Variants in GRIA2 observed in about 807,000 individuals in gnomAD.
GRIA2 encodes glutamate receptor 2.
Under a neutral mutation model 97.3 loss-of-function variants are expected in GRIA2, and 14 were observed. The ratio of observed to expected loss-of-function variants is 0.14; its 90% confidence interval spans 0.10 to 0.23. The LOEUF is 0.23. Ranked by LOEUF, GRIA2 falls within the 10% of genes least tolerant of loss-of-function variation. GRIA2 has a pLI of 1.00. For synonymous variants in GRIA2, 412 were observed against 387.8 expected, an observed-to-expected ratio of 1.06 and a Z score of -0.73; for missense variants, 558 against 1,069.8, an observed-to-expected ratio of 0.52 and a Z score of 6.67.
chr4:157,258,908 A>T (rs1731402888), intron 2 of GRIA2, among the ~76,000 whole-genome samples: 1 of 151,998 alleles, frequency 6.6e-6, no homozygotes, highest in Non-Finnish European at 1.5e-5. Flanking sequence ...AAACAGAAAA[A>T]AATTGTAGAA....
At chr4:157,266,466 C>T (rs1437913576) in intron 2 of GRIA2, among the ~76,000 whole-genome samples, 1 of 151,624 alleles carries the variant, frequency 6.6e-6, no homozygotes, top group East Asian at 2.0e-4. Flanking sequence ...TCGTGGAAGG[C>T]AAGAAAAAGC....
At chr4:157,239,658 T>A (rs867265449) in intron 2 of GRIA2, among the ~76,000 whole-genome samples, 19 of 151,864 alleles carry the variant, frequency 1.3e-4, no homozygotes, top group African/African-American at 4.6e-4. Flanking sequence ...AACATCTATA[T>A]TCTACTTTGT....
In GRIA2 at chr4:157,330,144, A is replaced by T. The variant is rs190566846; in HGVS notation, c.883-2675A>T. The stretch of plus-strand genomic sequence containing the variant: ...TTTTCAACGCTCTTGTAACATAGAC[A>T]GAAGAAGCATTGCTCTCCTTATTTT... On this transcript the variant is annotated intron_variant, in intron 6 of 15. Coordinates refer to ENST00000264426, the MANE Select transcript of GRIA2 (RefSeq NM_001083619.3). 3.0e-4 allele frequency among the ~76,000 whole-genome samples: 46 copies of T among 152,120 alleles called. No individual in the cohort carries two copies. The East Asian group carries it at 6.4e-3, about 21-fold the overall frequency.
intron 2 of GRIA2, among the ~76,000 whole-genome samples, chr4:157,302,454 C>T (rs1341172877): frequency 2.0e-5 from 3 of 152,092 alleles, no homozygotes; most frequent in Non-Finnish European, 4.4e-5. Flanking sequence ...TAATTAAGAG[C>T]ATGGATTCTG....
rs1005969278 is a variant in GRIA2, at chr4:157,365,092, A to G, written c.*1661A>G. On this transcript the variant is annotated 3_prime_UTR_variant, in exon 16 of 16. Transcript: ENST00000264426. The stretch of plus-strand genomic sequence containing the variant: ...TATTTCTGGAAGAAAGCCTTTGTGT[A>G]GCACTTGGTATTTTGCAAAGTGCTT... 6.6e-6 allele frequency: 1 copy of G among 151,706 alleles called. No homozygotes were observed. The highest frequency in any genetic ancestry group is 1.5e-5 in the Non-Finnish European group (1 of 67,730). 9.4% of individuals were successfully genotyped at this position (151,706 alleles called of 1,614,324 possible). A position where few individuals can be genotyped will look rare whatever the true frequency, so the allele number is the denominator to read the frequency against.
intron 12 of GRIA2, 101 bp downstream of exon 12, chr4:157,341,563 G>A (rs1735548536): frequency 3.9e-6 from 3 of 769,734 alleles, no homozygotes; most frequent in Admixed American, 1.9e-5. Context: ...CTATGTGAAA[G>A]CACCCCTAAT....
intron 2 of GRIA2, among the ~76,000 whole-genome samples, chr4:157,258,831 A>G (rs1190520712): frequency 6.6e-6 from 1 of 152,084 alleles, no homozygotes; most frequent in Non-Finnish European, 1.5e-5. Flanking sequence ...GAAAATAGAA[A>G]AGGACCCACG....
rs202046143 is a variant in GRIA2 at position 157,333,368 on chromosome 4, A to C, written c.1155+15A>C. On this transcript the variant is annotated intron_variant, in intron 8 of 15. Coordinates refer to ENST00000264426, the MANE Select transcript of GRIA2 (RefSeq NM_001083619.3). ...GGCCCCGGAAGGTAAATCCTTAGTG[A>C]TTTAAAGGCAGTTCTATGTGAGGAG... The C allele has an allele frequency of 1.6e-5, 22 of 1,385,122 alleles. No homozygotes were observed. The East Asian group carries it at 4.4e-4, about 28-fold the overall frequency. 85.8% of individuals were successfully genotyped at this position (1,385,122 alleles called of 1,614,324 possible). A position where few individuals can be genotyped will look rare whatever the true frequency, so the allele number is the denominator to read the frequency against.
intron 2 of GRIA2, among the ~76,000 whole-genome samples, chr4:157,226,534 G>C (rs1039617756): frequency 2.0e-5 from 3 of 151,948 alleles, no homozygotes; most frequent in Non-Finnish European, 4.4e-5. Flanking sequence ...CGATTCCCCA[G>C]CTATCATTTT....
intron 2 of GRIA2, among the ~76,000 whole-genome samples, chr4:157,271,912 C>G (rs768591624): frequency 1.3e-5 from 2 of 152,042 alleles, no homozygotes; most frequent in Non-Finnish European, 2.9e-5. Context: ...TTCACAGTAT[C>G]GTACTTTCTG....
intron 2 of GRIA2, among the ~76,000 whole-genome samples, chr4:157,222,670 C>T (rs1018742984): frequency 3.3e-5 from 5 of 152,186 alleles, no homozygotes; most frequent in Non-Finnish European, 7.3e-5. Context: ...TGGGATCTGG[C>T]CGAGTTTGAA....
At chr4:157,247,930 T>C (rs796639940) in intron 2 of GRIA2, among the ~76,000 whole-genome samples, 7 of 152,198 alleles carry the variant, frequency 4.6e-5, no homozygotes, top group African/African-American at 1.7e-4. Flanking sequence ...AGACGCCTAA[T>C]CTTTGCTCTT....
intron 2 of GRIA2, among the ~76,000 whole-genome samples, chr4:157,287,963 G>C (rs1160791257): frequency 2.6e-5 from 4 of 151,584 alleles, no homozygotes; most frequent in African/African-American, 9.7e-5. Flanking sequence ...AGGAAAAAAG[G>C]AGAGTTTTGG....
intron 6 of GRIA2, among the ~76,000 whole-genome samples, chr4:157,332,155 G>C (rs1437006139): frequency 6.6e-6 from 1 of 152,034 alleles, no homozygotes; most frequent in Non-Finnish European, 1.5e-5. Flanking sequence ...CCTAGGGCTT[G>C]GCCCTAGAAC....
chr4:157,260,444 G>A (rs1277190191), intron 2 of GRIA2, among the ~76,000 whole-genome samples: 2 of 152,060 alleles, frequency 1.3e-5, no homozygotes, highest in Non-Finnish European at 2.9e-5. Context: ...GCCATCTGAA[G>A]CACTTTGTCC....
At chr4:157,298,966 GA>G (rs1733490245) in intron 2 of GRIA2, among the ~76,000 whole-genome samples, 1 of 152,030 alleles carries the variant, frequency 6.6e-6, no homozygotes, top group Non-Finnish European at 1.5e-5. Flanking sequence ...AAAACAATTG[GA>G]AGACAAATCC....
intron 11 of GRIA2, 49 bp from the exon 12 acceptor site, chr4:157,341,215 A>T (rs1242743247): frequency 2.4e-6 from 3 of 1,241,086 alleles, no homozygotes; most frequent in Admixed American, 3.5e-5. Flanking sequence ...TTGTTTTTTT[A>T]TTAGGTCATT....
chr4:157,344,104 A>G (rs1020027455), intron 12 of GRIA2, among the ~76,000 whole-genome samples: 2 of 152,092 alleles, frequency 1.3e-5, no homozygotes, highest in Non-Finnish European at 2.9e-5. Context: ...AACTTTTTTC[A>G]TAGAATGTTG....
At chr4:157,244,549 T>G (rs930849755) in intron 2 of GRIA2, among the ~76,000 whole-genome samples, 1 of 152,110 alleles carries the variant, frequency 6.6e-6, no homozygotes, top group Non-Finnish European at 1.5e-5. Flanking sequence ...GGAAGCAATT[T>G]GTTCAGAGTG....
Sources: gnomAD v4.1 joint callset for allele counts (sites outside exome capture counted in the v4.1 genomes callset) on GRCh38, gnomAD v4.1.1 for gene constraint, MANE v1.5 for transcripts, NCBI Gene and HGNC (gene_info 2026-07-23, HGNC 2026-07-21) for gene names.